Variants in ROMO1 observed in about 807,000 individuals in gnomAD.
ROMO1 encodes the protein reactive oxygen species modulator 1.
Under a neutral mutation model 7.4 loss-of-function variants are expected in ROMO1, and 8 were observed. The ratio of observed to expected loss-of-function variants is 1.08; its 90% CI spans 0.63 to 1.95. The LOEUF is 1.95. ROMO1 is among the 30% of genes most tolerant of loss of function. The pLI, the probability that ROMO1 is intolerant of heterozygous loss-of-function variation, is 0.00. For synonymous variants in ROMO1, 43 were observed against 41.4 expected (o/e 1.04, Z -0.15); for missense variants, 91 against 115.9 (o/e 0.79, Z 0.99).
chr20:35,699,881 G>C lies in ROMO1; in HGVS notation c.131+118G>C. On this transcript the variant is annotated intron_variant, in intron 2 of 2. Coordinates refer to ENST00000374077, the MANE Select transcript of ROMO1 (RefSeq NM_080748.3). The surrounding 1 kb of genome is among the most constrained non-coding windows in gnomAD (Gnocchi z 4.4). ...TCGACTTCCCTCTCTGTCCCCTCGC[G>C]AGCCAGACTCATTCCAAACCACCTT... The C allele has an allele frequency of 3.7e-6, 5 of 1,336,454 alleles. No individual in the cohort carries two copies. Among genetic ancestry groups the C allele is most frequent in the Non-Finnish European group, 5.0e-6 (5 of 991,830 alleles). The allele number at this position is 1,336,454 out of a possible 1,614,324, so 82.8% of individuals were successfully genotyped here.
chr20:35,700,014 G>C (rs1347186678), intron 2 of ROMO1, among the ~76,000 whole-genome samples: 1 of 152,218 alleles, frequency 6.6e-6, no homozygotes, highest in East Asian at 1.9e-4. Flanking sequence ...AGGCAAGTTG[G>C]AGACTGGGTT....
chr20:35,700,756 T>C, intron 2 of ROMO1, 42 bp from the exon 3 acceptor site: 1 of 1,546,084 alleles, frequency 6.5e-7, no homozygotes, highest in Non-Finnish European at 8.9e-7. Flanking sequence ...CTCTTTCTGA[T>C]ATTTTTGTTA....
At chr20:35,700,408 T>G (rs1008490199) in intron 2 of ROMO1, among the ~76,000 whole-genome samples, 5 of 152,180 alleles carry the variant, frequency 3.3e-5, no homozygotes, top group African/African-American at 9.7e-5. Context: ...TGACACTATG[T>G]GTAAATTGTA....
chr20:35,700,898 C>T lies in ROMO1; in HGVS notation c.232C>T (p.Arg78Ter). ...ATTCATGGCCATTGGGATGGGCATC[C>T]GATGCTAACCATGGTTGCCAACTAC... ...GTFMAIGMGI[R>*]C Residue 78 changes from arginine to a stop codon, truncating the protein, a stop_gained, in exon 3 of 3, where the codon CGA becomes TGA. Transcript: ENST00000374077. LOFTEE classifies it high-confidence loss of function. 1 of 1,610,544 alleles carries T rather than the reference C, an allele frequency of 6.2e-7. No individual in the cohort carries two copies. Among genetic ancestry groups the T allele is most frequent in the East Asian group, 2.2e-5 (1 of 44,858 alleles).
At chr20:35,700,748 C>T (rs2035249488) in intron 2 of ROMO1, 50 bp from the exon 3 acceptor site, 1 of 1,512,832 alleles carries the variant, frequency 6.6e-7, no homozygotes, top group Non-Finnish European at 9.2e-7. Flanking sequence ...AGTTAATACT[C>T]TTTCTGATAT....
chr20:35,699,761 C>G lies in ROMO1; in HGVS notation c.129C>G (p.Leu43=). ...AGALFGTFSC[L]RIGMRGRELM... is the part of the protein sequence containing the mutation. Reference sequence around the variant, plus strand: ...CGCTCTTCGGCACCTTTTCCTGTCTCAGGTGAGGGGCGCGGGCGGTGATCT... The same window carrying G: ...CGCTCTTCGGCACCTTTTCCTGTCTGAGGTGAGGGGCGCGGGCGGTGATCT... Residue 43 remains leucine (L), a splice_region_variant and synonymous_variant, in exon 2 of 3, where the codon CTC becomes CTG. Coordinates refer to ENST00000374077, the MANE Select transcript of ROMO1 (RefSeq NM_080748.3). The surrounding 1 kb of genome is among the most constrained non-coding windows in gnomAD (Gnocchi z 4.4). 6.2e-7 allele frequency: 1 copy of G among 1,607,944 alleles called. No homozygotes were observed. Among genetic ancestry groups the G allele is most frequent in the Non-Finnish European group, 8.5e-7 (1 of 1,179,360 alleles).
At position 35,699,411 on chromosome 20, in the gene ROMO1, C is replaced by T. The variant is rs562556707; in HGVS notation, c.-46C>T. 2 of 1,216,728 alleles carry T rather than the reference C, an allele frequency of 1.6e-6. No homozygotes were observed. Among genetic ancestry groups the T allele is most frequent in the East Asian group, 5.7e-5 (2 of 34,916 alleles). 75.4% of individuals were successfully genotyped at this position (1,216,728 alleles called of 1,614,324 possible). A position where few individuals can be genotyped will look rare whatever the true frequency, so the allele number is the denominator to read the frequency against. On this transcript the variant is annotated 5_prime_UTR_variant, in exon 1 of 3. Coordinates refer to ENST00000374077, the MANE Select transcript of ROMO1 (RefSeq NM_080748.3). This position sits in a 1 kb window ranked among gnomAD's most constrained non-coding sequence, Gnocchi z 4.4. ...CGCGAGCGCCCTCCCCGTCGTTTTC[C>T]GTGAGAGACGTAGAGCTGAGCGACC...
At chr20:35,700,719 CA>C (rs1469008740) in intron 2 of ROMO1, 78 bp from the exon 3 acceptor site, 8 of 1,213,948 alleles carry the variant, frequency 6.6e-6, no homozygotes, top group Non-Finnish European at 9.8e-6. Context: ...CTAGTGTTAG[CA>C]AAAAATTGGA....
chr20:35,700,809 G>A lies in ROMO1; in HGVS notation c.143G>A (p.Arg48Gln). ...GGTTTCCTCCTCAGGATCGGAATGCGGGGTCGAGAGCTGATGGGCGGCATT... is the reference window on the plus strand; with the variant it reads ...GGTTTCCTCCTCAGGATCGGAATGCAGGGTCGAGAGCTGATGGGCGGCATT... ...GTFSCLRIGM[R>Q]GRELMGGIGK... The change falls in exon 3 of 3, where the codon CGG becomes CAG. Residue 48 changes from arginine (R) to glutamine (Q), a missense_variant. Coordinates refer to ENST00000374077, the MANE Select transcript of ROMO1 (RefSeq NM_080748.3). 6.2e-7 allele frequency: 1 copy of A among 1,614,110 alleles called. No homozygotes were observed. The highest frequency in any genetic ancestry group is 8.5e-7 in the Non-Finnish European group (1 of 1,179,964).
Position 35,699,820 on chromosome 20 carries a change from C to G in ROMO1, c.131+57C>G. On this transcript the variant is annotated intron_variant, in intron 2 of 2. Transcript: ENST00000374077. This position sits in a 1 kb window ranked among gnomAD's most constrained non-coding sequence, Gnocchi z 4.4. The stretch of plus-strand genomic sequence containing the variant: ...GACAACCAGACCTTCCGGCCCTGCC[C>G]CATTCGGCCTGGAGCCTGAACACAG... 6.4e-7 allele frequency: 1 copy of G among 1,557,072 alleles called. No homozygotes were observed. The highest frequency in any genetic ancestry group is 1.4e-5 in the African/African-American group (1 of 73,790).
chr20:35,699,812 G>T lies in ROMO1; in HGVS notation c.131+49G>T. 6.4e-7 allele frequency: 1 copy of T among 1,566,510 alleles called. No homozygotes were observed. On this transcript the variant is annotated intron_variant, in intron 2 of 2. Coordinates refer to ENST00000374077, the MANE Select transcript of ROMO1 (RefSeq NM_080748.3). This position sits in a 1 kb window ranked among gnomAD's most constrained non-coding sequence, Gnocchi z 4.4. ...CTGGGCAGGACAACCAGACCTTCCG[G>T]CCCTGCCCCATTCGGCCTGGAGCCT...
In ROMO1 at chr20:35,699,445, G is replaced by T. The variant is rs2035209415; in HGVS notation, c.-12G>T. 1.7e-6 allele frequency: 2 copies of T among 1,170,278 alleles called. No homozygotes were observed. The highest frequency in any genetic ancestry group is 2.8e-5 in the Admixed American group (1 of 35,752). The allele number at this position is 1,170,278 out of a possible 1,614,324, so 72.5% of individuals were successfully genotyped here. The stretch of plus-strand genomic sequence containing the variant: ...CGTAGAGCTGAGCGACCCAGCCCGC[G>T]AGCGAGGTGAGGTAGGCGCCGGGCG... On this transcript the variant is annotated 5_prime_UTR_variant, in exon 1 of 3. Coordinates refer to ENST00000374077, the MANE Select transcript of ROMO1 (RefSeq NM_080748.3). This position sits in a 1 kb window ranked among gnomAD's most constrained non-coding sequence, Gnocchi z 4.4.
At position 35,700,796 on chromosome 20, in the gene ROMO1, A is replaced by G. The variant is rs1182635320; in HGVS notation, c.132-2A>G. ...ATAGCTCCATCTTGGTTTCCTCCTC[A>G]GGATCGGAATGCGGGGTCGAGAGCT... On this transcript the variant is annotated splice_acceptor_variant, in intron 2 of 2. Transcript: ENST00000374077. LOFTEE classifies it high-confidence loss of function. 1 of 1,613,754 alleles carries G rather than the reference A, an allele frequency of 6.2e-7. No individual in the cohort carries two copies. Among genetic ancestry groups the G allele is most frequent in the East Asian group, 2.2e-5 (1 of 44,892 alleles).
chr20:35,700,909 A>G lies in ROMO1; in HGVS notation c.*3A>G. 1.2e-6 allele frequency: 2 copies of G among 1,602,952 alleles called. No individual in the cohort carries two copies. The highest frequency in any genetic ancestry group is 1.7e-6 in the Non-Finnish European group (2 of 1,169,808). ...TTGGGATGGGCATCCGATGCTAACC[A>G]TGGTTGCCAACTACATCTGTCCCTT... On this transcript the variant is annotated 3_prime_UTR_variant, in exon 3 of 3. Coordinates refer to ENST00000374077, the MANE Select transcript of ROMO1 (RefSeq NM_080748.3).
chr20:35,699,849 CCTT>C lies in ROMO1; in HGVS notation c.131+90_131+92del, dbSNP rs2035222773. The C allele has an allele frequency of 2.0e-6, 3 of 1,483,458 alleles. No homozygotes were observed. Among genetic ancestry groups the C allele is most frequent in the East Asian group, 2.4e-5 (1 of 41,704 alleles). The allele number at this position is 1,483,458 out of a possible 1,614,324, so 91.9% of individuals were successfully genotyped here. A position where few individuals can be genotyped will look rare whatever the true frequency, so the allele number is the denominator to read the frequency against. On this transcript the variant is annotated intron_variant, in intron 2 of 2. Transcript: ENST00000374077. The surrounding 1 kb of genome is among the most constrained non-coding windows in gnomAD (Gnocchi z 4.4). ...TCGGCCTGGAGCCTGAACACAGCCT[CCTT>C]CTTTCGACTTCCCTCTCTGTCCCCT...
Position 35,700,828 on chromosome 20 carries a change from C to T in ROMO1, c.162C>T (p.Gly54=), listed in dbSNP as rs200433480. 2.0e-5 allele frequency: 33 copies of T among 1,614,016 alleles called. No individual in the cohort carries two copies. Among genetic ancestry groups the T allele is most frequent in the Non-Finnish European group, 2.5e-5 (30 of 1,180,020 alleles). Residue 54 remains glycine, a synonymous_variant, in exon 3 of 3, where the codon GGC becomes GGT. Coordinates refer to ENST00000374077, the MANE Select transcript of ROMO1 (RefSeq NM_080748.3). ...RIGMRGRELM[G]GIGKTMMQSG... ...GAATGCGGGGTCGAGAGCTGATGGG[C>T]GGCATTGGGAAAACCATGATGCAGA...
At position 35,699,677 on chromosome 20, in the gene ROMO1, C is replaced by T. The variant is rs995436464; in HGVS notation, c.45C>T (p.Cys15=). The change falls in exon 2 of 3, where the codon TGC becomes TGT. Residue 15 remains cysteine (C), a synonymous_variant. Transcript: ENST00000374077. The surrounding 1 kb of genome is among the most constrained non-coding windows in gnomAD (Gnocchi z 4.4). ...VGPYGQSQPS[C]FDRVKMGFVM... is the part of the protein sequence containing the mutation. ...CCTACGGACAGTCCCAGCCAAGCTG[C>T]TTCGACCGTGTCAAAATGGGCTTCG... The T allele has an allele frequency of 6.2e-7, 1 of 1,613,826 alleles. No homozygotes were observed. The highest frequency in any genetic ancestry group is 1.7e-5 in the Admixed American group (1 of 60,030).
intron 2 of ROMO1, among the ~76,000 whole-genome samples, chr20:35,700,449 A>G (rs561218967): frequency 6.6e-6 from 1 of 152,146 alleles, no homozygotes; most frequent in South Asian, 2.1e-4. Flanking sequence ...ACCTTACTCC[A>G]AAATCATTAA....
intron 2 of ROMO1, 98 bp from the exon 3 acceptor site, chr20:35,700,700 G>A: frequency 2.3e-6 from 2 of 867,502 alleles, no homozygotes; most frequent in African/African-American, 1.7e-5. Flanking sequence ...AGATGTAGGG[G>A]TTGCTAGACT....
Sources: allele counts gnomAD v4.1 joint callset (sites outside exome capture counted in the v4.1 genomes callset), GRCh38; gene constraint gnomAD v4.1.1; non-coding constraint Gnocchi (gnomAD v3.1); transcripts MANE v1.5; gene names NCBI Gene and HGNC (gene_info 2026-07-23, HGNC 2026-07-21).